Variants in PSD3 observed in about 807,000 individuals in gnomAD.
PSD3 encodes pleckstrin and Sec7 domain containing 3.
Under a neutral mutation model 105.5 loss-of-function variants are expected in PSD3, and 49 were observed. That is an observed-to-expected ratio of 0.46 (90% CI 0.37 to 0.59). PSD3 has a LOEUF of 0.59. PSD3 is among the 20% of genes least tolerant of loss of function. The pLI is 0.00. For synonymous variants in PSD3, 557 were observed against 457.8 expected, an observed-to-expected ratio of 1.22 and a Z score of -2.77; for missense variants, 1,561 against 1,263.8, an observed-to-expected ratio of 1.24 and a Z score of -3.57.
intron 1 of PSD3, among the ~76,000 whole-genome samples, chr8:19,004,067 A>C (rs531389801): frequency 6.6e-6 from 1 of 152,194 alleles, no homozygotes; most frequent in South Asian, 2.1e-4. Flanking sequence ...TTCTTGACAG[A>C]CAAGTTTGGG....
chr8:18,607,409 T>G (rs1272098559), intron 11 of PSD3, among the ~76,000 whole-genome samples: 2 of 152,178 alleles, frequency 1.3e-5, no homozygotes, highest in Non-Finnish European at 2.9e-5. Flanking sequence ...CGTAAGTCTA[T>G]GAGGGATCCA....
At chr8:18,648,111 A>G (rs766748257) in intron 10 of PSD3, among the ~76,000 whole-genome samples, 1 of 142,488 alleles carries the variant, frequency 7.0e-6, no homozygotes, top group Non-Finnish European at 1.5e-5. Flanking sequence ...AATGGGTCCC[A>G]AGAAGTGGGG....
intron 12 of PSD3, among the ~76,000 whole-genome samples, chr8:18,586,847 T>A (rs1035179917): frequency 1.3e-5 from 2 of 152,084 alleles, no homozygotes; most frequent in Admixed American, 1.3e-4. Flanking sequence ...GATTCCTTGA[T>A]GCTGAGAAAT....
At chr8:18,696,024 G>A (rs969104206) in intron 9 of PSD3, among the ~76,000 whole-genome samples, 1 of 152,176 alleles carries the variant, frequency 6.6e-6, no homozygotes, top group East Asian at 1.9e-4. Flanking sequence ...CACATCCAGC[G>A]TCACCTGGCA....
At chr8:18,923,514 T>C (rs750577470) in intron 2 of PSD3, among the ~76,000 whole-genome samples, 2 of 152,200 alleles carry the variant, frequency 1.3e-5, no homozygotes, top group Non-Finnish European at 2.9e-5. Flanking sequence ...CATAAGATTA[T>C]AATGCCATAT....
At chr8:18,952,803 A>T (rs1235562790) in intron 1 of PSD3, among the ~76,000 whole-genome samples, 1 of 152,204 alleles carries the variant, frequency 6.6e-6, no homozygotes, top group Admixed American at 6.5e-5. Flanking sequence ...CAATTTGGAG[A>T]CATTTAGTTA....
intron 2 of PSD3, among the ~76,000 whole-genome samples, chr8:18,890,212 T>C (rs1259610847): frequency 6.6e-6 from 1 of 152,222 alleles, no homozygotes; most frequent in Non-Finnish European, 1.5e-5. Flanking sequence ...TAACTTTTCC[T>C]TCATTGAACA....
chr8:18,787,986 T>C (rs1809343142), intron 8 of PSD3, among the ~76,000 whole-genome samples: 1 of 152,226 alleles, frequency 6.6e-6, no homozygotes, highest in Non-Finnish European at 1.5e-5. Context: ...TATATTCTGT[T>C]ACAGTTATTC....
intron 1 of PSD3, among the ~76,000 whole-genome samples, chr8:18,973,835 A>G (rs1222779144): frequency 6.6e-6 from 1 of 152,212 alleles, no homozygotes; most frequent in Admixed American, 6.5e-5. Flanking sequence ...ATGAGTTACT[A>G]AGGACTTACT....
At chr8:18,777,483 T>G (rs1563254808) in intron 8 of PSD3, among the ~76,000 whole-genome samples, 1 of 152,270 alleles carries the variant, frequency 6.6e-6, no homozygotes, top group African/African-American at 2.4e-5. Context: ...CATGCTTTTC[T>G]AGTTCTTTAC....
chr8:18,619,230 C>T (rs990699784), intron 11 of PSD3, among the ~76,000 whole-genome samples: 1 of 152,082 alleles, frequency 6.6e-6, no homozygotes, highest in Non-Finnish European at 1.5e-5. Context: ...TCAGATGCAC[C>T]TCCTTATATC....
chr8:18,665,471 T>C (rs1460315720), intron 9 of PSD3, among the ~76,000 whole-genome samples: 3 of 152,200 alleles, frequency 2.0e-5, no homozygotes, highest in African/African-American at 4.8e-5. Context: ...AGGATTTGTA[T>C]GGATGAGCAA....
intron 8 of PSD3, among the ~76,000 whole-genome samples, chr8:18,779,237 A>T (rs1387472136): frequency 6.6e-6 from 1 of 152,126 alleles, no homozygotes; most frequent in Non-Finnish European, 1.5e-5. Flanking sequence ...ATTTGTTCAG[A>T]CAGTTGTTCA....
rs1041221014 is a variant in PSD3 at position 18,883,380 on chromosome 8, C to T, written c.131-10647G>A. 3.0e-4 allele frequency among the ~76,000 whole-genome samples: 45 copies of T among 152,114 alleles called. 1 individual carries two copies. Among genetic ancestry groups the T allele is most frequent in the Non-Finnish European group, 1.0e-4 (7 of 68,008 alleles). On this transcript the variant is annotated intron_variant, in intron 2 of 15. Coordinates refer to ENST00000327040, the MANE Select transcript of PSD3 (RefSeq NM_015310.4). ...ACTTGATCATTCTGGTCTGGGTTTA[C>T]CCTCAAATTACCAAGTAACCCCGGT... is the stretch of plus-strand genomic sequence containing the variant.
rs1257392777 is a variant in PSD3 at position 18,872,417 on chromosome 8, T to C, written c.447A>G (p.Thr149=). The change falls in exon 3 of 16, where the codon ACA becomes ACG. Residue 149 remains threonine (T), a synonymous_variant. Transcript: ENST00000327040. The part of the protein sequence containing the change: ...KATEARIISG[T]LQATKVLDQD... ...GGTCCAGTACCTTTGTAGCCTGTAA[T>C]GTTCCGGAAATGATTCTGGCTTCTG... is the stretch of plus-strand genomic sequence containing the variant. 1.4e-5 allele frequency: 23 copies of C among 1,614,160 alleles called. No individual in the cohort carries two copies. The highest frequency in any genetic ancestry group is 1.9e-5 in the Non-Finnish European group (23 of 1,180,018).
chr8:18,591,451 G>A (rs977421849), intron 12 of PSD3, among the ~76,000 whole-genome samples: 5 of 152,120 alleles, frequency 3.3e-5, no homozygotes, highest in African/African-American at 4.8e-5. Flanking sequence ...GAGAAAAGGT[G>A]GTCAACCTGA....
intron 4 of PSD3, among the ~76,000 whole-genome samples, chr8:18,816,127 C>G (rs887768269): frequency 1.3e-5 from 2 of 152,180 alleles, no homozygotes; most frequent in Non-Finnish European, 1.5e-5. Context: ...GACGTTTCCA[C>G]TCTTTAGTAC....
intron 1 of PSD3, among the ~76,000 whole-genome samples, chr8:19,024,702 AAGGGGAG>A (rs1827483325): frequency 6.6e-6 from 1 of 152,120 alleles, no homozygotes. Context: ...GACCTCCAGG[AAGGGGAG>A]AGGGGGTCTG....
intron 4 of PSD3, among the ~76,000 whole-genome samples, chr8:18,846,729 GC>G (rs1280775072): frequency 6.6e-6 from 1 of 152,136 alleles, no homozygotes; most frequent in Admixed American, 6.5e-5. Flanking sequence ...GGAGGCGCCG[GC>G]AAAACCGACT....
Sources: allele counts gnomAD v4.1 joint callset (sites outside exome capture counted in the v4.1 genomes callset), GRCh38; gene constraint gnomAD v4.1.1; transcripts MANE v1.5; gene names NCBI Gene and HGNC (gene_info 2026-07-23, HGNC 2026-07-21).